SCHIP1: variants seen among roughly 807,000 people sequenced by gnomAD.
The protein encoded by SCHIP1 is schwannomin interacting protein 1.
A neutral mutation model predicts 29.7 loss-of-function variants in SCHIP1; 8 were observed. The ratio of observed to expected loss-of-function variants is 0.27; its 90% CI spans 0.16 to 0.49. SCHIP1 has a LOEUF of 0.49. SCHIP1 is among the 20% of genes least tolerant of loss of function. The probability of loss-of-function intolerance (pLI) is 0.99; values close to 1 mark genes in which losing one functional copy is unlikely to be tolerated. For missense variants in SCHIP1, 193 were observed against 294.6 expected (o/e 0.66, Z 2.52); for synonymous variants, 76 against 94.9 (o/e 0.80, Z 1.16).
chr3:159,809,102 C>T, the SCHIP1 span, among the ~76,000 whole-genome samples: 79 of 151,072 alleles, frequency 5.2e-4, no homozygotes, highest in African/African-American at 1.7e-3. Context: ...TCATCATTTA[C>T]ATTAGGTATT....
the SCHIP1 span, among the ~76,000 whole-genome samples, chr3:159,302,091 C>T: frequency 1.7e-4 from 26 of 152,132 alleles, no homozygotes; most frequent in Admixed American, 9.8e-4. Context: ...TTGCAAATGC[C>T]AACTGGGAAG....
At chr3:159,511,640 G>A in the SCHIP1 span, among the ~76,000 whole-genome samples, 2,239 of 152,154 alleles carry the variant, frequency 0.015, 22 homozygotes, top group Non-Finnish European at 0.023. Flanking sequence ...TTTTAACAGC[G>A]TGGTTTCAGT....
At chr3:159,749,757 A>G in the SCHIP1 span, among the ~76,000 whole-genome samples, 1 of 152,232 alleles carries the variant, frequency 6.6e-6, no homozygotes, top group Admixed American at 6.5e-5. Context: ...GTGTAATTGA[A>G]AAGATAAATT....
chr3:159,828,401 A>ACATATG, the SCHIP1 span, among the ~76,000 whole-genome samples: 3 of 54,688 alleles, frequency 5.5e-5, no homozygotes, highest in African/African-American at 2.6e-4. Flanking sequence ...ATATACGTAT[A>ACATATG]TATATACGTA....
chr3:159,784,448 G>A, the SCHIP1 span, among the ~76,000 whole-genome samples: 33 of 152,294 alleles, frequency 2.2e-4, no homozygotes, highest in Non-Finnish European at 4.3e-4. Context: ...GAACATTGTA[G>A]ATCTTGTTTA....
At chr3:159,487,615 A>C in the SCHIP1 span, among the ~76,000 whole-genome samples, 1 of 152,202 alleles carries the variant, frequency 6.6e-6, no homozygotes. Flanking sequence ...CTATCTGAGA[A>C]GGGAAGATAA....
the SCHIP1 span, among the ~76,000 whole-genome samples, chr3:159,397,366 A>T: frequency 5.3e-5 from 8 of 152,248 alleles, no homozygotes; most frequent in East Asian, 1.5e-3. Flanking sequence ...GCTGGTGAGG[A>T]ACTGCATTCC....
At chr3:159,774,674 T>A in the SCHIP1 span, among the ~76,000 whole-genome samples, 2 of 152,218 alleles carry the variant, frequency 1.3e-5, no homozygotes, top group Admixed American at 1.3e-4. Context: ...AGTGTTTTGT[T>A]CAGCCCCAGG....
chr3:159,836,549 G>C (rs1280046156), upstream of SCHIP1, among the ~76,000 whole-genome samples: 4 of 152,156 alleles, frequency 2.6e-5, no homozygotes, highest in Non-Finnish European at 5.9e-5. Flanking sequence ...AATCATGTTT[G>C]TTTCTTTGTT....
At chr3:159,331,247 T>TC in the SCHIP1 span, among the ~76,000 whole-genome samples, 1 of 152,032 alleles carries the variant, frequency 6.6e-6, no homozygotes, top group Non-Finnish European at 1.5e-5. Context: ...AGAATTAACC[T>TC]CCCCCAGAGG....
chr3:159,447,473 T>C, the SCHIP1 span, among the ~76,000 whole-genome samples: 1 of 152,146 alleles, frequency 6.6e-6, no homozygotes, highest in African/African-American at 2.4e-5. Flanking sequence ...AGTCTGGGCT[T>C]TCCAAACAAA....
chr3:159,781,197 C>T, the SCHIP1 span, among the ~76,000 whole-genome samples: 2 of 152,170 alleles, frequency 1.3e-5, no homozygotes, highest in Middle Eastern at 3.4e-3. Context: ...TTTATTGAGA[C>T]AGAGTTTTGC....
the SCHIP1 span, among the ~76,000 whole-genome samples, chr3:159,750,810 C>T: frequency 1.6e-3 from 237 of 151,974 alleles, 1 homozygote; most frequent in South Asian, 7.9e-3. Flanking sequence ...AACTGAATAG[C>T]TTCTTGTATA....
At chr3:159,296,998 T>C in the SCHIP1 span, among the ~76,000 whole-genome samples, 1 of 152,290 alleles carries the variant, frequency 6.6e-6, no homozygotes, top group East Asian at 1.9e-4. Flanking sequence ...TTAGATGTTA[T>C]GTATAAATGA....
At chr3:159,755,515 C>T in the SCHIP1 span, among the ~76,000 whole-genome samples, 3 of 152,200 alleles carry the variant, frequency 2.0e-5, no homozygotes, top group African/African-American at 7.2e-5. Flanking sequence ...ATGGAAGCTA[C>T]AAGATGAGAC....
At chr3:159,308,055 T>A in the SCHIP1 span, among the ~76,000 whole-genome samples, 1 of 152,126 alleles carries the variant, frequency 6.6e-6, no homozygotes, top group African/African-American at 2.4e-5. Flanking sequence ...CTTTGGTTAT[T>A]TAGGCTCTTT....
chr3:159,579,473 T>C, the SCHIP1 span, among the ~76,000 whole-genome samples: 1 of 152,248 alleles, frequency 6.6e-6, no homozygotes, highest in Admixed American at 6.5e-5. Context: ...TACTCCTATA[T>C]GAAGACATTC....
the SCHIP1 span, among the ~76,000 whole-genome samples, chr3:159,576,115 T>C: frequency 6.6e-6 from 1 of 152,174 alleles, no homozygotes; most frequent in African/African-American, 2.4e-5. Context: ...GGATTTTGAA[T>C]GTTTATAACA....
chr3:159,626,300 A>ATTTTTT, the SCHIP1 span, among the ~76,000 whole-genome samples: 1 of 131,500 alleles, frequency 7.6e-6, no homozygotes, highest in Non-Finnish European at 1.6e-5. Flanking sequence ...AGATAGATAG[A>ATTTTTT]TTTTTTTTTA....
Sources: allele counts gnomAD v4.1 joint callset (sites outside exome capture counted in the v4.1 genomes callset), GRCh38; gene constraint gnomAD v4.1.1; transcripts MANE v1.5; gene names NCBI Gene and HGNC (gene_info 2026-07-23, HGNC 2026-07-21).